Variants in SH3PXD2B observed in about 807,000 individuals in gnomAD.
The protein encoded by SH3PXD2B is SH3 and PX domains 2B.
In SH3PXD2B, 37 loss-of-function variants were observed where a neutral mutation model predicts 73.1. The ratio of observed to expected loss-of-function variants is 0.51; its 90% CI spans 0.39 to 0.67. SH3PXD2B has a LOEUF of 0.67. SH3PXD2B is among the 30% of genes least tolerant of loss of function. SH3PXD2B has a pLI of 0.00. For synonymous variants in SH3PXD2B, 457 were observed against 480.5 expected, an observed-to-expected ratio of 0.95 and a Z score of 0.64; for missense variants, 1,053 against 1,197.8, an observed-to-expected ratio of 0.88 and a Z score of 1.78.
At chr5:172,362,919 G>A (rs770260302) in intron 6 of SH3PXD2B, 50 bp from the exon 7 acceptor site, 3 of 1,612,370 alleles carry the variant, frequency 1.9e-6, no homozygotes, top group East Asian at 2.2e-5. Flanking sequence ...ATGCATGAAA[G>A]AGCAGGAGTC....
intron 6 of SH3PXD2B, among the ~76,000 whole-genome samples, chr5:172,367,419 G>C (rs1319797467): frequency 6.7e-6 from 1 of 149,158 alleles, no homozygotes; most frequent in Non-Finnish European, 1.5e-5. Context: ...ATAGATTTGG[G>C]GTTTCACCAT....
chr5:172,377,254 C>T (rs1172606440), intron 5 of SH3PXD2B, among the ~76,000 whole-genome samples: 2 of 152,148 alleles, frequency 1.3e-5, no homozygotes, highest in African/African-American at 4.8e-5. Flanking sequence ...GGCCAAAACC[C>T]TCCTCCAATA....
At chr5:172,356,536 C>G (rs180782752) in intron 8 of SH3PXD2B, among the ~76,000 whole-genome samples, 16 of 152,354 alleles carry the variant, frequency 1.1e-4, no homozygotes, top group Admixed American at 5.2e-4. Context: ...TCCTCCCAAA[C>G]CCACATGCCA....
intron 1 of SH3PXD2B, among the ~76,000 whole-genome samples, chr5:172,424,026 G>A (rs558194183): frequency 1.4e-4 from 22 of 152,140 alleles, no homozygotes; most frequent in East Asian, 9.7e-4. Flanking sequence ...GGAGCTGCTG[G>A]GGGCTACCCA....
At chr5:172,366,743 C>CT (rs1757536067) in intron 6 of SH3PXD2B, among the ~76,000 whole-genome samples, 1 of 151,822 alleles carries the variant, frequency 6.6e-6, no homozygotes, top group East Asian at 1.9e-4. Context: ...AGTGATTCTC[C>CT]TGCCTCAGCC....
At chr5:172,366,954 G>C (rs113514378) in intron 6 of SH3PXD2B, among the ~76,000 whole-genome samples, 1 of 86,992 alleles carries the variant, frequency 1.1e-5, no homozygotes, top group African/African-American at 4.9e-5. Context: ...TTTTTTTTTT[G>C]GGGACAGAGT....
intron 4 of SH3PXD2B, among the ~76,000 whole-genome samples, chr5:172,393,284 A>G (rs1758228985): frequency 6.6e-6 from 1 of 152,088 alleles, no homozygotes; most frequent in African/African-American, 2.4e-5. Context: ...TGTTAAATTT[A>G]TTTCTAAGTA....
intron 4 of SH3PXD2B, among the ~76,000 whole-genome samples, chr5:172,389,054 T>C (rs1284944369): frequency 6.8e-6 from 1 of 147,144 alleles, no homozygotes; most frequent in East Asian, 1.9e-4. Flanking sequence ...ATTTTTACTT[T>C]TTCTTTTTTT....
intron 1 of SH3PXD2B, among the ~76,000 whole-genome samples, chr5:172,441,457 G>C (rs1349067415): frequency 6.6e-6 from 1 of 152,238 alleles, no homozygotes; most frequent in Non-Finnish European, 1.5e-5. Flanking sequence ...TTGGGACTGC[G>C]AGGGTACAAG....
At chr5:172,422,963 T>C (rs1463839798) in intron 1 of SH3PXD2B, among the ~76,000 whole-genome samples, 1 of 152,204 alleles carries the variant, frequency 6.6e-6, no homozygotes, top group Non-Finnish European at 1.5e-5. Context: ...AAGTTATTTT[T>C]TCCCCGAGTC....
chr5:172,438,784 G>T (rs974391782), intron 1 of SH3PXD2B, among the ~76,000 whole-genome samples: 1 of 152,196 alleles, frequency 6.6e-6, no homozygotes, highest in South Asian at 2.1e-4. Flanking sequence ...TCTTTGAGGT[G>T]TTGGAACTGT....
At chr5:172,433,209 C>T (rs1041255350) in intron 1 of SH3PXD2B, among the ~76,000 whole-genome samples, 1 of 152,082 alleles carries the variant, frequency 6.6e-6, no homozygotes, top group Non-Finnish European at 1.5e-5. Flanking sequence ...GCCCAGGAGC[C>T]GTGAGCTATA....
chr5:172,383,644 G>A (rs959684732), intron 4 of SH3PXD2B, among the ~76,000 whole-genome samples: 5 of 152,300 alleles, frequency 3.3e-5, no homozygotes, highest in Non-Finnish European at 5.9e-5. Flanking sequence ...CCTGTGCAGA[G>A]AACACGTGTG....
At chr5:172,417,427 T>C (rs936167461) in intron 2 of SH3PXD2B, among the ~76,000 whole-genome samples, 5 of 152,212 alleles carry the variant, frequency 3.3e-5, no homozygotes, top group Non-Finnish European at 5.9e-5. Context: ...CAAGTCCTCA[T>C]TGATGTGTGG....
chr5:172,326,460 T>G (rs1756449109), intron 12 of SH3PXD2B, among the ~76,000 whole-genome samples: 1 of 152,180 alleles, frequency 6.6e-6, no homozygotes, highest in Admixed American at 6.5e-5. Flanking sequence ...TGCTGGTGTG[T>G]GGCCCTCCAA....
chr5:172,359,418 C>T (rs1235525376), intron 7 of SH3PXD2B, among the ~76,000 whole-genome samples: 1 of 129,614 alleles, frequency 7.7e-6, no homozygotes, highest in Non-Finnish European at 1.6e-5. Flanking sequence ...GTATAAAGAA[C>T]GTTCACCTTC....
At chr5:172,384,006 C>T (rs147812407) in intron 4 of SH3PXD2B, among the ~76,000 whole-genome samples, 6,343 of 152,140 alleles carry the variant, frequency 0.042, 209 homozygotes, top group South Asian at 0.2. Flanking sequence ...GCCACCCCAC[C>T]CGGCTAATTT....
At chr5:172,346,355 C>G in intron 11 of SH3PXD2B, 94 bp from the exon 12 acceptor site, 1 of 1,583,346 alleles carries the variant, frequency 6.3e-7, no homozygotes, top group South Asian at 1.1e-5. Flanking sequence ...CATGCAATCA[C>G]CCTTAAGGGG....
chr5:172,357,261 T>C (rs1375063516), intron 8 of SH3PXD2B, among the ~76,000 whole-genome samples: 1 of 151,486 alleles, frequency 6.6e-6, no homozygotes. Flanking sequence ...CCGTTTCTAC[T>C]AAAAATACGA....
Sources: gnomAD v4.1 joint callset for allele counts (sites outside exome capture counted in the v4.1 genomes callset) on GRCh38, gnomAD v4.1.1 for gene constraint, MANE v1.5 for transcripts, NCBI Gene and HGNC (gene_info 2026-07-23, HGNC 2026-07-21) for gene names.